PID1: variants seen among roughly 807,000 people sequenced by gnomAD.
PID1 encodes the protein phosphotyrosine interaction domain containing 1.
PID1 carries 10 observed loss-of-function variants against 19.1 expected under a neutral mutation model. The ratio of observed to expected loss-of-function variants is 0.52; its 90% CI spans 0.32 to 0.89. The LOEUF (loss-of-function observed/expected upper bound fraction) is 0.89. Among genes scored for constraint, PID1 ranks in the 40% least tolerant of loss-of-function variants. The probability of loss-of-function intolerance (pLI) is 0.03; values close to 1 mark genes in which losing one functional copy is unlikely to be tolerated. For missense variants in PID1, 248 were observed against 285.3 expected (o/e 0.87, Z 0.94); for synonymous variants, 130 against 116.0 (o/e 1.12, Z -0.78).
intron 2 of PID1, among the ~76,000 whole-genome samples, chr2:229,066,064 A>G (rs1433774549): frequency 6.6e-6 from 1 of 152,202 alleles, no homozygotes; most frequent in African/African-American, 2.4e-5. Context: ...ACATGAATAC[A>G]AAACTATGTT....
At chr2:229,146,460 G>A (rs945840674) in intron 2 of PID1, among the ~76,000 whole-genome samples, 3 of 151,934 alleles carry the variant, frequency 2.0e-5, no homozygotes, top group Admixed American at 6.6e-5. Context: ...AAACCTGCAC[G>A]TTCTGCACAT....
In PID1 at chr2:229,108,693, A is replaced by G. The variant is rs537261598; in HGVS notation, c.177+47125T>C. ...AATCTGGGACTCTAGCAACTACGGA[A>G]TATGAAGTAGGAGTCAGAGAGGGAT... On this transcript the variant is annotated intron_variant, in intron 2 of 2. Coordinates refer to ENST00000392055, the MANE Select transcript of PID1 (RefSeq NM_001100818.2). Among the ~76,000 whole-genome samples the G allele has an allele frequency of 3.9e-5, 6 of 152,340 alleles. No homozygotes were observed. The East Asian group carries it at 1.2e-3, about 29-fold the overall frequency.
At position 229,133,770 on chromosome 2, in the gene PID1, CT is replaced by C. The variant is rs1008654020; in HGVS notation, c.177+22047del. Reference sequence around the variant, plus strand: ...TTATTGACATTTGAGCTGGACAATTCTTTTTTTTTTCTTTTTTTAATTATTA... The same window carrying C: ...TTATTGACATTTGAGCTGGACAATTCTTTTTTTTTCTTTTTTTAATTATTA... On this transcript the variant is annotated intron_variant, in intron 2 of 2. Coordinates refer to ENST00000392055, the MANE Select transcript of PID1 (RefSeq NM_001100818.2). 5.9e-4 allele frequency among the ~76,000 whole-genome samples: 87 copies of C among 148,574 alleles called. 1 individual carries two copies. The highest frequency in any genetic ancestry group is 1.7e-3 in the African/African-American group (68 of 40,434).
chr2:229,151,499 CATTA>C (rs1163989765), intron 2 of PID1, among the ~76,000 whole-genome samples: 2 of 152,152 alleles, frequency 1.3e-5, no homozygotes, highest in African/African-American at 2.4e-5. Context: ...GTGCTTAATG[CATTA>C]ATTAACACCT....
chr2:229,161,331 A>G (rs898848529), intron 1 of PID1, among the ~76,000 whole-genome samples: 1 of 152,186 alleles, frequency 6.6e-6, no homozygotes, highest in African/African-American at 2.4e-5. Flanking sequence ...CAGCCTTCGC[A>G]TCATTGAACT....
At chr2:229,113,505 T>TACAC (rs1553563372) in intron 2 of PID1, among the ~76,000 whole-genome samples, 3 of 76,446 alleles carry the variant, frequency 3.9e-5, no homozygotes, top group Non-Finnish European at 2.7e-5. Flanking sequence ...TGTGTGTGTG[T>TACAC]ATACATATAT....
At chr2:229,179,454 T>C (rs1203339712) in intron 1 of PID1, among the ~76,000 whole-genome samples, 3 of 151,980 alleles carry the variant, frequency 2.0e-5, no homozygotes, top group Non-Finnish European at 4.4e-5. Context: ...AATGGAGTGA[T>C]GAACAGGAAC....
intron 1 of PID1, among the ~76,000 whole-genome samples, chr2:229,160,370 AAG>A (rs1491060176): frequency 2.1e-5 from 3 of 145,636 alleles, no homozygotes; most frequent in African/African-American, 5.0e-5. Context: ...AAAAAGAAAA[AAG>A]AAAAGCTAAA....
chr2:229,050,452 T>C (rs1054172959), intron 2 of PID1, among the ~76,000 whole-genome samples: 4 of 152,166 alleles, frequency 2.6e-5, no homozygotes, highest in Non-Finnish European at 2.9e-5. Context: ...CTGGAGAGTG[T>C]TTTCGATTAT....
chr2:229,195,138 T>C (rs915758362), intron 1 of PID1, among the ~76,000 whole-genome samples: 1 of 151,838 alleles, frequency 6.6e-6, no homozygotes, highest in Non-Finnish European at 1.5e-5. Flanking sequence ...AGAGATTATA[T>C]ATTGTATTTT....
At chr2:229,257,573 A>G (rs1690335862) in intron 1 of PID1, among the ~76,000 whole-genome samples, 1 of 152,158 alleles carries the variant, frequency 6.6e-6, no homozygotes. Context: ...TTCCAGTTTA[A>G]TTTACAATGC....
chr2:229,098,372 A>G (rs547141049), intron 2 of PID1, among the ~76,000 whole-genome samples: 1 of 152,230 alleles, frequency 6.6e-6, no homozygotes, highest in Non-Finnish European at 1.5e-5. Flanking sequence ...GAATTTAGCA[A>G]ATGTTCTAAT....
chr2:229,142,862 C>T (rs1299945591), intron 2 of PID1, among the ~76,000 whole-genome samples: 3 of 151,644 alleles, frequency 2.0e-5, no homozygotes, highest in African/African-American at 4.8e-5. Flanking sequence ...ACCCAAAGGA[C>T]TATAAATCAT....
chr2:229,115,932 A>G (rs1695400830), intron 2 of PID1, among the ~76,000 whole-genome samples: 3 of 152,154 alleles, frequency 2.0e-5, no homozygotes, highest in Admixed American at 2.0e-4. Flanking sequence ...AAATATTTTT[A>G]AAAATCATTT....
intron 2 of PID1, among the ~76,000 whole-genome samples, chr2:229,073,019 C>T (rs1400420668): frequency 5.9e-5 from 9 of 152,106 alleles, no homozygotes; most frequent in Admixed American, 3.3e-4. Flanking sequence ...TGGGTAATTG[C>T]TGCCATTTAT....
chr2:229,153,814 T>C (rs1173573766), intron 2 of PID1, among the ~76,000 whole-genome samples: 2 of 152,190 alleles, frequency 1.3e-5, no homozygotes, highest in African/African-American at 4.8e-5. Flanking sequence ...CTGTGTAGTT[T>C]TTGCCCTTCC....
chr2:229,164,729 G>A lies in PID1; in HGVS notation c.31-8765C>T, dbSNP rs1559264853. Among the ~76,000 whole-genome samples, 3 of 152,310 alleles carry A rather than the reference G, an allele frequency of 2.0e-5. No individual in the cohort carries two copies. The East Asian group carries it at 5.8e-4, about 29-fold the overall frequency. On this transcript the variant is annotated intron_variant, in intron 1 of 2. Transcript: ENST00000392055. ...GAGAGATGTGAAACAAATGAGGTAA[G>A]ATGTACACCTGCCCAGCTTCCTGCC...
chr2:229,159,213 G>A (rs12463675), intron 1 of PID1, among the ~76,000 whole-genome samples: 48,822 of 151,938 alleles, frequency 0.32, 8,574 homozygotes, highest in East Asian at 0.69. Flanking sequence ...GGCAGTAGAA[G>A]TTTTGGAATT....
At chr2:229,177,834 C>G (rs1409743195) in intron 1 of PID1, among the ~76,000 whole-genome samples, 1 of 152,152 alleles carries the variant, frequency 6.6e-6, no homozygotes, top group Non-Finnish European at 1.5e-5. Context: ...AGGAAATGCT[C>G]ACGACAATGC....
Sources: gnomAD v4.1 joint callset for allele counts (sites outside exome capture counted in the v4.1 genomes callset) on GRCh38, gnomAD v4.1.1 for gene constraint, MANE v1.5 for transcripts, NCBI Gene and HGNC (gene_info 2026-07-23, HGNC 2026-07-21) for gene names.